DPP6: variants seen among roughly 807,000 people sequenced by gnomAD.
DPP6 encodes dipeptidyl peptidase like 6.
Under a neutral mutation model 122.6 loss-of-function variants are expected in DPP6, and 69 were observed. The observed-to-expected ratio is 0.56, with a 90% confidence interval of 0.46 to 0.69. DPP6 has a LOEUF of 0.69. Among genes scored for constraint, DPP6 ranks in the 30% least tolerant of loss-of-function variants. The pLI, the probability that DPP6 is intolerant of heterozygous loss-of-function variation, is 0.00. For missense variants in DPP6, 928 were observed against 1,116.9 expected (o/e 0.83, Z 2.41); for synonymous variants, 418 against 433.1 (o/e 0.97, Z 0.43).
Position 153,984,932 on chromosome 7 carries a change from T to C in DPP6, c.51+97198T>C, listed in dbSNP as rs2531089. Among the ~76,000 whole-genome samples the C allele has an allele frequency of 6.6e-5, 10 of 152,298 alleles. No individual in the cohort carries two copies. The East Asian group carries it at 1.7e-3, about 27-fold the overall frequency. ...GAGGAAAGAATCTTTGCACTATGCA[T>C]ATTCAGTGCACTAGGGATAAAGTGG... On this transcript the variant is annotated intron_variant, in intron 1 of 25. Coordinates refer to the DPP6 transcript ENST00000404039.
At chr7:154,389,066 AT>A (rs1814379166) in intron 1 of DPP6, among the ~76,000 whole-genome samples, 1 of 152,110 alleles carries the variant, frequency 6.6e-6, no homozygotes. Context: ...ACCTTGATGG[AT>A]TACCGTCCCC....
chr7:154,594,490 A>G (rs1202139012), intron 5 of DPP6, among the ~76,000 whole-genome samples: 1 of 152,200 alleles, frequency 6.6e-6, no homozygotes, highest in Admixed American at 6.5e-5. Flanking sequence ...CCCCTTAGAT[A>G]GCAATAATTG....
At chr7:154,231,286 C>T (rs548276686) in intron 1 of DPP6, among the ~76,000 whole-genome samples, 26 of 152,246 alleles carry the variant, frequency 1.7e-4, no homozygotes, top group African/African-American at 6.3e-4. Context: ...TTCCTTGTGG[C>T]ATGAGAGGAG....
At chr7:154,645,450 C>T (rs951894254) in intron 6 of DPP6, among the ~76,000 whole-genome samples, 1 of 152,138 alleles carries the variant, frequency 6.6e-6, no homozygotes, top group East Asian at 1.9e-4. Context: ...TCTCCCTCCC[C>T]TTCTCCCTTC....
At chr7:154,824,557 G>T (rs1313838134) in intron 16 of DPP6, among the ~76,000 whole-genome samples, 1 of 152,242 alleles carries the variant, frequency 6.6e-6, no homozygotes, top group Non-Finnish European at 1.5e-5. Context: ...GGGATTACAG[G>T]TGGGAGCCAC....
chr7:154,823,509 G>C (rs1799938941), intron 16 of DPP6, among the ~76,000 whole-genome samples: 1 of 152,206 alleles, frequency 6.6e-6, no homozygotes, highest in Admixed American at 6.5e-5. Flanking sequence ...TTACTTCAGA[G>C]GGAAGTACTG....
In DPP6 at chr7:154,722,199, AAAC is replaced by A. The variant is rs547772714; in HGVS notation, c.763-5556_763-5554del. Among the ~76,000 whole-genome samples the A allele has an allele frequency of 5.4e-4, 83 of 152,308 alleles. 2 individuals are homozygous for A. Among genetic ancestry groups the A allele is most frequent in the Admixed American group, 4.6e-3 (71 of 15,300 alleles). On this transcript the variant is annotated intron_variant, in intron 7 of 25. Transcript: ENST00000377770. ...AACAGAGAAAGACCCTGCCTTCCAA[AAAC>A]AACAACAACAAAAGATGAGGTTTTA...
intron 1 of DPP6, among the ~76,000 whole-genome samples, chr7:154,079,833 A>C (rs2533681): frequency 5.9e-5 from 9 of 151,894 alleles, no homozygotes; most frequent in East Asian, 1.9e-4. Context: ...CTGCTCTAGT[A>C]TTTACAACTG....
intron 1 of DPP6, among the ~76,000 whole-genome samples, chr7:154,438,383 C>T (rs773457636): frequency 2.1e-4 from 28 of 130,762 alleles, no homozygotes; most frequent in Non-Finnish European, 3.4e-4. Context: ...GTCAGGAGAA[C>T]GGCGTGAACC....
chr7:154,824,181 A>C (rs1799985166), intron 16 of DPP6, among the ~76,000 whole-genome samples: 1 of 152,232 alleles, frequency 6.6e-6, no homozygotes, highest in Admixed American at 6.5e-5. Context: ...TTTGGTCAAC[A>C]GTAAAATACC....
chr7:153,847,645 T>C, the DPP6 span, among the ~76,000 whole-genome samples: 1,257 of 152,282 alleles, frequency 8.3e-3, 14 homozygotes, highest in East Asian at 0.027. Flanking sequence ...GTATGGACCT[T>C]ATAGAATTTT....
intron 1 of DPP6, among the ~76,000 whole-genome samples, chr7:154,132,272 C>T (rs1047238075): frequency 2.0e-5 from 3 of 152,136 alleles, no homozygotes; most frequent in Admixed American, 6.5e-5. Flanking sequence ...TCCCTTGGCT[C>T]GCTAAATATA....
At chr7:154,247,204 A>G (rs910004272) in intron 1 of DPP6, among the ~76,000 whole-genome samples, 2 of 152,080 alleles carry the variant, frequency 1.3e-5, no homozygotes, top group Non-Finnish European at 2.9e-5. Flanking sequence ...TTTCAGCTAC[A>G]TGGGAGGCTG....
chr7:154,641,253 A>C (rs1272896524), intron 6 of DPP6, among the ~76,000 whole-genome samples: 2 of 152,168 alleles, frequency 1.3e-5, no homozygotes. Context: ...TCTATTACCT[A>C]AGGGTAGGTT....
rs533044476 is a variant in DPP6, at chr7:154,799,641, A to C, written c.1300-1714A>C. 1.8e-4 allele frequency among the ~76,000 whole-genome samples: 28 copies of C among 152,356 alleles called. No individual in the cohort carries two copies. The South Asian group carries it at 5.8e-3, about 32-fold the overall frequency. On this transcript the variant is annotated intron_variant, in intron 12 of 25. Transcript: ENST00000377770. Reference sequence around the variant, plus strand: ...TGAACCATGGGAAAAAAACACTGGCAAAAATGCTACAAATAACTCACAAAG... The same window carrying C: ...TGAACCATGGGAAAAAAACACTGGCCAAAATGCTACAAATAACTCACAAAG...
intron 1 of DPP6, among the ~76,000 whole-genome samples, chr7:154,065,332 C>T (rs1333680265): frequency 7.6e-6 from 1 of 131,508 alleles, no homozygotes; most frequent in Non-Finnish European, 1.6e-5. Flanking sequence ...AGCAGGGACA[C>T]CTCCCATCAC....
intron 1 of DPP6, among the ~76,000 whole-genome samples, chr7:153,888,154 G>T (rs2128991972): frequency 6.6e-6 from 1 of 152,272 alleles, no homozygotes; most frequent in East Asian, 1.9e-4. Flanking sequence ...CGGCCTCGGT[G>T]CTCCGAGTCC....
At chr7:153,966,519 A>C (rs888532813) in intron 1 of DPP6, among the ~76,000 whole-genome samples, 19 of 127,704 alleles carry the variant, frequency 1.5e-4, no homozygotes, top group African/African-American at 5.3e-4. Context: ...CCTGCTCCAG[A>C]GAAGGAAGTA....
At chr7:154,453,150 G>C (rs1208188243) in intron 2 of DPP6, among the ~76,000 whole-genome samples, 1 of 152,178 alleles carries the variant, frequency 6.6e-6, no homozygotes, top group East Asian at 1.9e-4. Context: ...GGAAACTCCA[G>C]CAGGATCGGA....
Sources: gnomAD v4.1 joint callset for allele counts (sites outside exome capture counted in the v4.1 genomes callset) on GRCh38, gnomAD v4.1.1 for gene constraint, MANE v1.5 for transcripts, NCBI Gene and HGNC (gene_info 2026-07-23, HGNC 2026-07-21) for gene names.